The following COL5A1 variants were observed in gnomAD, a reference collection of about 807,000 sequenced individuals.
COL5A1 encodes collagen type V alpha 1 chain.
COL5A1 carries 16 observed loss-of-function variants against 263.7 expected under a neutral mutation model. The ratio of observed to expected loss-of-function variants is 0.06; its 90% CI spans 0.04 to 0.09. COL5A1 has a LOEUF of 0.09. Among genes scored for constraint, COL5A1 ranks in the 10% least tolerant of loss-of-function variants. COL5A1 has a pLI of 1.00. For synonymous variants in COL5A1, 1,012 were observed against 1,004.5 expected, an observed-to-expected ratio of 1.01 and a Z score of -0.14; for missense variants, 2,036 against 2,540.5, an observed-to-expected ratio of 0.80 and a Z score of 4.27.
chr9:134,733,225 T>C (rs1834967806), intron 9 of COL5A1, among the ~76,000 whole-genome samples: 1 of 152,192 alleles, frequency 6.6e-6, no homozygotes, highest in Non-Finnish European at 1.5e-5. Context: ...GCCACCCTAC[T>C]GTAGAGCTGG....
rs986357904 is a variant in COL5A1, at chr9:134,656,458, T to C, written c.109+14162T>C. Reference sequence around the variant, plus strand: ...CCTGGCTGTGGGATCTCCAACATGTTACTTAACCTCTCTGATCTGAGGCAG... The same window carrying C: ...CCTGGCTGTGGGATCTCCAACATGTCACTTAACCTCTCTGATCTGAGGCAG... On this transcript the variant is annotated intron_variant, in intron 1 of 65. Coordinates refer to ENST00000371817, the MANE Select transcript of COL5A1 (RefSeq NM_000093.5). 2.4e-4 allele frequency among the ~76,000 whole-genome samples: 37 copies of C among 152,128 alleles called. 1 individual carries two copies. The highest frequency in any genetic ancestry group is 7.5e-4 in the African/African-American group (31 of 41,410).
intron 42 of COL5A1, 98 bp from the exon 43 acceptor site, chr9:134,809,085 A>T (rs1838411342): frequency 9.2e-7 from 1 of 1,092,602 alleles, no homozygotes; most frequent in South Asian, 1.3e-5. Context: ...ACCAACTCCC[A>T]CTTCCTGCCA....
intron 2 of COL5A1, 53 bp from the exon 3 acceptor site, chr9:134,699,856 G>A: frequency 5.1e-6 from 8 of 1,560,502 alleles, no homozygotes; most frequent in South Asian, 1.1e-5. Flanking sequence ...CCATGGCTGG[G>A]TGTGGTTGCA....
At position 134,746,499 on chromosome 9, in the gene COL5A1, G is replaced by A. The variant is rs578078857; in HGVS notation, c.1495-4043G>A. Among the ~76,000 whole-genome samples the A allele has an allele frequency of 3.9e-5, 6 of 152,374 alleles. No homozygotes were observed. In the East Asian group the frequency reaches 1.2e-3, roughly 29 times the overall value. On this transcript the variant is annotated intron_variant, in intron 11 of 65. Coordinates refer to ENST00000371817, the MANE Select transcript of COL5A1 (RefSeq NM_000093.5). ...GGGTCTCGTGGGGACAGTTTCACGT[G>A]CTGAATCTGCAGTGGCAGAGGGAGC...
intron 11 of COL5A1, among the ~76,000 whole-genome samples, chr9:134,750,263 G>A (rs537510828): frequency 2.0e-5 from 3 of 152,304 alleles, no homozygotes; most frequent in East Asian, 1.9e-4. Context: ...AGGCCCCAGA[G>A]GACGCCTGCT....
intron 46 of COL5A1, 66 bp downstream of exon 46, chr9:134,811,665 C>G: frequency 7.7e-7 from 1 of 1,293,706 alleles, no homozygotes. Flanking sequence ...CTTCATTGTG[C>G]TCTCTCCTCT....
At chr9:134,798,129 A>G (rs1380871353) in intron 36 of COL5A1, among the ~76,000 whole-genome samples, 1 of 152,144 alleles carries the variant, frequency 6.6e-6, no homozygotes, top group African/African-American at 2.4e-5. Context: ...CAGGATACCA[A>G]CTGGCCTCTT....
At position 134,765,066 on chromosome 9, in the gene COL5A1, A is replaced by G. The variant is rs1165675706; in HGVS notation, c.2035-615A>G. 6.6e-6 allele frequency among the ~76,000 whole-genome samples: 1 copy of G among 151,828 alleles called. No homozygotes were observed. Among genetic ancestry groups the G allele is most frequent in the African/African-American group, 2.4e-5 (1 of 41,336 alleles). On this transcript the variant is annotated intron_variant, in intron 20 of 65. Transcript: ENST00000371817. The surrounding 1 kb of genome is among the most constrained non-coding windows in gnomAD (Gnocchi z 5.1). ...CGGAATCTCACTCCACCTGCGGTAA[A>G]GGGGAGGTTCTGCACGAGCCTCGCC...
At position 134,745,060 on chromosome 9, in the gene COL5A1, A is replaced by G. The variant is rs543461024; in HGVS notation, c.1495-5482A>G. On this transcript the variant is annotated intron_variant, in intron 11 of 65. Transcript: ENST00000371817. ...TCGTGAATGACTTCTGGCCATTTCG[A>G]GTCACATTTATCTTCAAAGCTTAGT... 9.9e-5 allele frequency among the ~76,000 whole-genome samples: 15 copies of G among 152,284 alleles called. No homozygotes were observed. The South Asian group carries it at 2.9e-3, about 29-fold the overall frequency.
chr9:134,784,900 G>C, intron 29 of COL5A1, 89 bp from the exon 30 acceptor site: 1 of 1,114,646 alleles, frequency 9.0e-7, no homozygotes, highest in Admixed American at 1.8e-5. Flanking sequence ...CCTGTGACCT[G>C]TCCCCTTGCT....
At chr9:134,805,121 TCC>T in intron 40 of COL5A1, 38 bp from the exon 41 acceptor site, 1 of 1,613,716 alleles carries the variant, frequency 6.2e-7, no homozygotes, top group Non-Finnish European at 8.5e-7. Flanking sequence ...TGGAGGCCTC[TCC>T]CCACGTGCCC....
At chr9:134,783,423 G>T (rs1188235413) in intron 29 of COL5A1, among the ~76,000 whole-genome samples, 1 of 152,238 alleles carries the variant, frequency 6.6e-6, no homozygotes, top group Non-Finnish European at 1.5e-5. Context: ...GACGCAAAGG[G>T]CACGAAGGAA....
intron 1 of COL5A1, among the ~76,000 whole-genome samples, chr9:134,670,999 C>T (rs533333980): frequency 6.6e-6 from 1 of 152,294 alleles, no homozygotes; most frequent in South Asian, 2.1e-4. Context: ...AGAGGTGGGC[C>T]TGGGCTGCTG....
chr9:134,771,315 G>A (rs755150266), intron 25 of COL5A1, among the ~76,000 whole-genome samples: 16 of 152,254 alleles, frequency 1.1e-4, no homozygotes, highest in Admixed American at 8.5e-4. Context: ...CCCTGGACCA[G>A]GACACCCTCT....
chr9:134,774,864 A>C lies in COL5A1; in HGVS notation c.2337A>C (p.Pro779=). The C allele has an allele frequency of 6.2e-7, 1 of 1,613,644 alleles. No homozygotes were observed. The highest frequency in any genetic ancestry group is 8.5e-7 in the Non-Finnish European group (1 of 1,179,836). The part of the protein sequence containing the change: ...GPPGEKGGQG[P]PGPQGPIGYP... ...CTTTTTCTGTTTGGTTTTAGGGTCC[A>C]CCTGGCCCCCAGGGTCCGATTGGCT... Residue 779 remains proline (P), a synonymous_variant, in exon 27 of 66, where the codon CCA becomes CCC. Transcript: ENST00000371817.
chr9:134,777,675 C>T (rs762324610), intron 27 of COL5A1, among the ~76,000 whole-genome samples: 3 of 152,188 alleles, frequency 2.0e-5, no homozygotes, highest in Non-Finnish European at 4.4e-5. Context: ...GGCTGCGGTC[C>T]TACCTGCCTG....
At chr9:134,796,051 T>A (rs540916563) in intron 34 of COL5A1, among the ~76,000 whole-genome samples, 32 of 152,134 alleles carry the variant, frequency 2.1e-4, no homozygotes, top group African/African-American at 7.5e-4. Flanking sequence ...CTAGAGCGGG[T>A]CCCTGCGTTC....
In COL5A1 at chr9:134,754,240, C is replaced by G; in HGVS notation, c.1774-33C>G. The G allele has an allele frequency of 1.2e-6, 2 of 1,610,326 alleles. No individual in the cohort carries two copies. On this transcript the variant is annotated intron_variant, in intron 15 of 65. Coordinates refer to ENST00000371817, the MANE Select transcript of COL5A1 (RefSeq NM_000093.5). The surrounding 1 kb of genome is among the most constrained non-coding windows in gnomAD (Gnocchi z 4.3). ...CTCTTTCTCCTGAGAAAGGCGGACT[C>G]GCCACTGACCCTTTGTCTCTTACCC...
At chr9:134,814,062 G>C in intron 49 of COL5A1, 26 bp downstream of exon 49, 2 of 1,549,814 alleles carry the variant, frequency 1.3e-6, no homozygotes, top group Non-Finnish European at 8.7e-7. Context: ...CTGCGGGAGG[G>C]GTGGGATATG....
Sources: allele counts gnomAD v4.1 joint callset (sites outside exome capture counted in the v4.1 genomes callset), GRCh38; gene constraint gnomAD v4.1.1; non-coding constraint Gnocchi (gnomAD v3.1); transcripts MANE v1.5; gene names NCBI Gene and HGNC (gene_info 2026-07-23, HGNC 2026-07-21).